The following ST14 variants were observed in gnomAD, a reference collection of about 807,000 sequenced individuals.
The protein encoded by ST14 is suppressor of tumorigenicity 14 protein.
Under a neutral mutation model 96.5 loss-of-function variants are expected in ST14, and 40 were observed. That is an observed-to-expected ratio of 0.41 (90% confidence interval 0.32 to 0.54). The LOEUF is 0.54. Among genes scored for constraint, ST14 ranks in the 20% least tolerant of loss-of-function variants. The pLI is 0.17. For synonymous variants in ST14, 506 were observed against 492.1 expected, an observed-to-expected ratio of 1.03 and a Z score of -0.37; for missense variants, 1,066 against 1,188.9, an observed-to-expected ratio of 0.90 and a Z score of 1.52.
chr11:130,208,489 C>A lies in ST14; in HGVS notation c.2074C>A (p.Arg692Ser). Reference protein sequence around the residue: ...SQRSAPGVQERRLKRIISHPF... With the variant: ...SQRSAPGVQESRLKRIISHPF... ...GCGCAGCGCCCCTGGGGTGCAGGAG[C>A]GCAGGCTCAAGCGCATCATCTCCCA... Residue 692 changes from arginine to serine, a missense_variant, in exon 17 of 19, where the codon CGC becomes AGC. Coordinates refer to ENST00000278742, the MANE Select transcript of ST14 (RefSeq NM_021978.4). 1 of 1,614,242 alleles carries A rather than the reference C, an allele frequency of 6.2e-7. No homozygotes were observed. Among genetic ancestry groups the A allele is most frequent in the Non-Finnish European group, 8.5e-7 (1 of 1,180,046 alleles).
Position 130,188,056 on chromosome 11 carries a change from G to T in ST14, c.82-58G>T. 1 of 1,596,926 alleles carries T rather than the reference G, an allele frequency of 6.3e-7. No homozygotes were observed. Among genetic ancestry groups the T allele is most frequent in the Non-Finnish European group, 8.6e-7 (1 of 1,167,742 alleles). On this transcript the variant is annotated intron_variant, in intron 1 of 18. Coordinates refer to ENST00000278742, the MANE Select transcript of ST14 (RefSeq NM_021978.4). This position sits in a 1 kb window ranked among gnomAD's most constrained non-coding sequence, Gnocchi z 5.4. ...ACAAAATGTGAACATCTTCCCCAGCGGGGTGCAGGGGAAGAGCGGGTGAGA... is the reference window on the plus strand; with the variant it reads ...ACAAAATGTGAACATCTTCCCCAGCTGGGTGCAGGGGAAGAGCGGGTGAGA...
chr11:130,173,912 G>A (rs1487123114), intron 1 of ST14, among the ~76,000 whole-genome samples: 1 of 152,206 alleles, frequency 6.6e-6, no homozygotes, highest in Admixed American at 6.5e-5. Context: ...GAGAGTGCTG[G>A]CCAGGTCGCA....
chr11:130,160,125 G>A, intron 1 of ST14, 65 bp downstream of exon 1: 2 of 1,158,394 alleles, frequency 1.7e-6, no homozygotes, highest in Non-Finnish European at 2.3e-6. Context: ...GCAGCGCGGC[G>A]CTGGGCTCGG....
Position 130,187,246 on chromosome 11 carries a change from C to T in ST14, c.82-868C>T, listed in dbSNP as rs1401971872. 7.2e-5 allele frequency among the ~76,000 whole-genome samples: 11 copies of T among 152,164 alleles called. No homozygotes were observed. Among genetic ancestry groups the T allele is most frequent in the East Asian group, 1.9e-4 (1 of 5,196 alleles). On this transcript the variant is annotated intron_variant, in intron 1 of 18. Transcript: ENST00000278742. The surrounding 1 kb of genome is among the most constrained non-coding windows in gnomAD (Gnocchi z 4.5). ...CATGGTGCATCCCCAGGATTCAGGG[C>T]GGGCAGACGGCATGTGCTATCGGCA...
At position 130,187,247 on chromosome 11, in the gene ST14, G is replaced by A. The variant is rs1488661847; in HGVS notation, c.82-867G>A. Among the ~76,000 whole-genome samples the A allele has an allele frequency of 2.6e-5, 4 of 152,160 alleles. No individual in the cohort carries two copies. Among genetic ancestry groups the A allele is most frequent in the Admixed American group, 6.5e-5 (1 of 15,274 alleles). ...ATGGTGCATCCCCAGGATTCAGGGC[G>A]GGCAGACGGCATGTGCTATCGGCAG... On this transcript the variant is annotated intron_variant, in intron 1 of 18. Transcript: ENST00000278742. The surrounding 1 kb of genome is among the most constrained non-coding windows in gnomAD (Gnocchi z 4.5).
chr11:130,183,781 T>C (rs1565621884), intron 1 of ST14, among the ~76,000 whole-genome samples: 1 of 152,352 alleles, frequency 6.6e-6, no homozygotes, highest in East Asian at 1.9e-4. Context: ...CTTTTAGTTT[T>C]AGTTTCCAGT....
intron 4 of ST14, chr11:130,189,219 C>T: frequency 1.8e-6 from 1 of 556,864 alleles, no homozygotes; most frequent in Admixed American, 3.1e-5. Context: ...GTTGTTTTTC[C>T]AAATTTGGGT....
chr11:130,177,806 A>C (rs1358214445), intron 1 of ST14, among the ~76,000 whole-genome samples: 1 of 152,152 alleles, frequency 6.6e-6, no homozygotes, highest in Non-Finnish European at 1.5e-5. Flanking sequence ...GTTTTTTCAA[A>C]CGGCTTGATT....
At chr11:130,186,843 T>C (rs893998672) in intron 1 of ST14, among the ~76,000 whole-genome samples, 2 of 152,190 alleles carry the variant, frequency 1.3e-5, no homozygotes, top group Non-Finnish European at 2.9e-5. Flanking sequence ...TTTAGAAATA[T>C]AGAGACAGAC....
chr11:130,173,172 A>G (rs1953108608), intron 1 of ST14, among the ~76,000 whole-genome samples: 3 of 152,202 alleles, frequency 2.0e-5, no homozygotes, highest in African/African-American at 7.2e-5. Context: ...CCTGCTAATG[A>G]CTGAGGCCTA....
At chr11:130,199,122 C>T in intron 15 of ST14, 53 bp downstream of exon 15, 1 of 1,575,898 alleles carries the variant, frequency 6.3e-7, no homozygotes, top group Non-Finnish European at 8.6e-7. Context: ...TGTGAAGTGC[C>T]CACCAGAGGG....
At position 130,194,172 on chromosome 11, in the gene ST14, C is replaced by T; in HGVS notation, c.899C>T (p.Ser300Phe). The T allele has an allele frequency of 6.2e-7, 1 of 1,614,216 alleles. No homozygotes were observed. Among genetic ancestry groups the T allele is most frequent in the Non-Finnish European group, 8.5e-7 (1 of 1,180,036 alleles). The part of the protein sequence containing the change: ...LVQLCGTYPP[S>F]YNLTFHSSQN... ...AGGTTGTGTGGCACCTACCCTCCCTCCTACAACCTGACCTTCCACTCCTCC... is the reference window on the plus strand; with the variant it reads ...AGGTTGTGTGGCACCTACCCTCCCTTCTACAACCTGACCTTCCACTCCTCC... The change falls in exon 8 of 19, where the codon TCC (serine) becomes TTC (phenylalanine). Residue 300 changes from serine to phenylalanine, a missense_variant. Physicochemically the swap from Ser to Phe is radical, Grantham distance 155. Coordinates refer to ENST00000278742, the MANE Select transcript of ST14 (RefSeq NM_021978.4).
intron 9 of ST14, among the ~76,000 whole-genome samples, chr11:130,194,998 A>G (rs1591890827): frequency 6.6e-6 from 1 of 152,258 alleles, no homozygotes; most frequent in East Asian, 1.9e-4. Context: ...CTGTAATCTC[A>G]GCACTTTGGG....
chr11:130,196,356 T>C lies in ST14; in HGVS notation c.1131T>C (p.His377=). The change falls in exon 10 of 19, where the codon CAT becomes CAC. Residue 377 remains histidine, a synonymous_variant. Coordinates refer to ENST00000278742, the MANE Select transcript of ST14 (RefSeq NM_021978.4). ...TWNIEVPNNQ[H]VKVRFKFFYL... ...TCCCTCAGGTGCCCAACAACCAGCA[T>C]GTGAAGGTGCGCTTCAAATTCTTCT... 1.3e-6 allele frequency: 2 copies of C among 1,598,774 alleles called. No individual in the cohort carries two copies. The highest frequency in any genetic ancestry group is 1.7e-4 in the Middle Eastern group (1 of 5,942).
intron 9 of ST14, among the ~76,000 whole-genome samples, chr11:130,195,885 G>A (rs1237397424): frequency 6.8e-6 from 1 of 147,488 alleles, no homozygotes; most frequent in East Asian, 2.0e-4. Flanking sequence ...GGCTGGGTGT[G>A]GTGGCTCGTG....
chr11:130,176,351 T>G (rs897802128), intron 1 of ST14, among the ~76,000 whole-genome samples: 1 of 152,086 alleles, frequency 6.6e-6, no homozygotes, highest in South Asian at 2.1e-4. Context: ...AAGTTACCCC[T>G]GACAGGGATT....
intron 1 of ST14, among the ~76,000 whole-genome samples, chr11:130,176,060 C>T (rs1319914176): frequency 6.6e-6 from 1 of 151,528 alleles, no homozygotes; most frequent in Non-Finnish European, 1.5e-5. Flanking sequence ...GTTTCTGTGC[C>T]TGATAGTGCC....
rs1953190502 is a variant in ST14, at chr11:130,181,281, T to G, written c.82-6833T>G. ...TTTAGGGTCTGTACCCTGCTTGTCCTGAGCCCTTTATCCCCAACCTCCCGC... is the reference window on the plus strand; with the variant it reads ...TTTAGGGTCTGTACCCTGCTTGTCCGGAGCCCTTTATCCCCAACCTCCCGC... On this transcript the variant is annotated intron_variant, in intron 1 of 18. Transcript: ENST00000278742. This position sits in a 1 kb window ranked among gnomAD's most constrained non-coding sequence, Gnocchi z 4.1. Among the ~76,000 whole-genome samples, 1 of 152,212 alleles carries G rather than the reference T, an allele frequency of 6.6e-6. No homozygotes were observed. The highest frequency in any genetic ancestry group is 2.4e-5 in the African/African-American group (1 of 41,450).
At chr11:130,194,524 G>T (rs1341857158) in intron 8 of ST14, 116 bp from the exon 9 acceptor site, 19 of 1,209,364 alleles carry the variant, frequency 1.6e-5, no homozygotes, top group Non-Finnish European at 2.2e-5. Flanking sequence ...TGCACCTGCT[G>T]TGCAGCATCC....
Sources: gnomAD v4.1 joint callset for allele counts (sites outside exome capture counted in the v4.1 genomes callset) on GRCh38, gnomAD v4.1.1 for gene constraint, Gnocchi (gnomAD v3.1) non-coding constraint, MANE v1.5 for transcripts, NCBI Gene and HGNC (gene_info 2026-07-23, HGNC 2026-07-21) for gene names.